Variants in TNRC6A observed in about 807,000 individuals in gnomAD.
TNRC6A encodes the protein trinucleotide repeat-containing gene 6A protein.
In TNRC6A, 44 loss-of-function variants were observed where a neutral mutation model predicts 221.2. The observed-to-expected ratio is 0.20, with a 90% CI of 0.16 to 0.26. The LOEUF (loss-of-function observed/expected upper bound fraction) is 0.26. TNRC6A is among the 10% of genes least tolerant of loss of function. The pLI is 1.00. For synonymous variants in TNRC6A, 847 were observed against 838.5 expected (o/e 1.01, Z -0.18); for missense variants, 2,199 against 2,404.4 (o/e 0.91, Z 1.79).
intron 1 of TNRC6A, among the ~76,000 whole-genome samples, chr16:24,630,509 A>G (rs1329425340): frequency 6.6e-6 from 1 of 152,166 alleles, no homozygotes; most frequent in Non-Finnish European, 1.5e-5. Flanking sequence ...ACAAAAACAA[A>G]CAACAACAAC....
At chr16:24,712,913 G>GTGTGTGTGTA (rs1253927631) in intron 2 of TNRC6A, among the ~76,000 whole-genome samples, 2,968 of 36,458 alleles carry the variant, frequency 0.081, 113 homozygotes, top group African/African-American at 0.12. Flanking sequence ...GCCACTGTGT[G>GTGTGTGTGTA]TGTGTGTGTG....
At chr16:24,804,552 CT>C (rs2058392172) in intron 12 of TNRC6A, 152 bp from the exon 13 acceptor site, 13 of 1,264,760 alleles carry the variant, frequency 1.0e-5, no homozygotes, top group Non-Finnish European at 1.4e-5. Flanking sequence ...TTTGTGTGCT[CT>C]AGAATTAACA....
In TNRC6A at chr16:24,823,521, C is replaced by T. The variant is rs2058811083; in HGVS notation, c.5603C>T (p.Pro1868Leu). The change falls in exon 25 of 25, where the codon CCT becomes CTT. Residue 1868 changes from proline (P) to leucine (L), a missense_variant. By Grantham distance (98) the Pro-to-Leu change is moderately conservative. Around this residue, in one of 8 missense-constraint regions of TNRC6A, gnomAD observed 20 missense variants for 25.6 expected, o/e 0.78. Coordinates refer to ENST00000395799, the MANE Select transcript of TNRC6A (RefSeq NM_014494.4). This position sits in a 1 kb window ranked among gnomAD's most constrained non-coding sequence, Gnocchi z 4.3. ...TTTGCACAAAGCCAGTCTCTGACCC[C>T]TTCTCCCGGCTGGCAGTCTCTCGGG... ...RFFAQSQSLT[P>L]SPGWQSLGSS... 4 of 1,614,218 alleles carry T rather than the reference C, an allele frequency of 2.5e-6. No individual in the cohort carries two copies. Among genetic ancestry groups the T allele is most frequent in the Non-Finnish European group, 3.4e-6 (4 of 1,180,044 alleles).
At chr16:24,794,492 G>A in intron 7 of TNRC6A, 52 bp from the exon 8 acceptor site, 1 of 1,562,928 alleles carries the variant, frequency 6.4e-7, no homozygotes, top group Non-Finnish European at 8.7e-7. Flanking sequence ...TTCTCCAGAA[G>A]GAATTCTTTT....
At position 24,794,535 on chromosome 16, in the gene TNRC6A, C is replaced by T; in HGVS notation, c.3353-9C>T. 1.2e-6 allele frequency: 2 copies of T among 1,600,916 alleles called. No individual in the cohort carries two copies. Among genetic ancestry groups the T allele is most frequent in the Non-Finnish European group, 1.7e-6 (2 of 1,175,072 alleles). ...TATGTTTCTCTTTATATCACAAATC[C>T]ACAATCAGGGCCAAAATCTATGCAA... On this transcript the variant is annotated splice_polypyrimidine_tract_variant and intron_variant, in intron 7 of 24. Coordinates refer to ENST00000395799, the MANE Select transcript of TNRC6A (RefSeq NM_014494.4).
At chr16:24,665,056 T>C (rs1177967893) in intron 2 of TNRC6A, 1 of 447,534 alleles carries the variant, frequency 2.2e-6, no homozygotes, top group African/African-American at 2.0e-5. Flanking sequence ...ACTAACTTAT[T>C]TATTTATTTG....
At chr16:24,669,937 G>T (rs2055255704) in intron 2 of TNRC6A, among the ~76,000 whole-genome samples, 2 of 45,950 alleles carry the variant, frequency 4.4e-5, no homozygotes, top group East Asian at 6.8e-4. Flanking sequence ...CTATGAGGCA[G>T]CTACTTTTTT....
chr16:24,818,512 T>G (rs911384228), intron 20 of TNRC6A, 81 bp from the exon 21 acceptor site: 1 of 1,089,012 alleles, frequency 9.2e-7, no homozygotes, highest in Non-Finnish European at 1.4e-6. Flanking sequence ...CTGTTAGCTT[T>G]GATTTCTCTG....
intron 1 of TNRC6A, among the ~76,000 whole-genome samples, chr16:24,631,910 G>A (rs545540938): frequency 6.6e-6 from 1 of 151,828 alleles, no homozygotes; most frequent in Admixed American, 6.6e-5. Flanking sequence ...CCAGGCTGTA[G>A]TGCAGTGACT....
chr16:24,703,808 G>C (rs2056036673), intron 2 of TNRC6A, among the ~76,000 whole-genome samples: 1 of 151,750 alleles, frequency 6.6e-6, no homozygotes, highest in Non-Finnish European at 1.5e-5. Flanking sequence ...TTTTGGCCGG[G>C]CGTGGTGGCT....
chr16:24,741,468 G>A lies in TNRC6A; in HGVS notation c.54-9258G>A, dbSNP rs143574446. ...CATGTTAAACCACCCTTGCATATCT[G>A]GGATAAATCCACTTTGTGTAGTCCT... On this transcript the variant is annotated intron_variant, in intron 2 of 24. Transcript: ENST00000395799. Among the ~76,000 whole-genome samples the A allele has an allele frequency of 2.0e-3, 312 of 152,234 alleles. 1 individual carries two copies. The highest frequency in any genetic ancestry group is 7.4e-3 in the African/African-American group (308 of 41,544).
intron 2 of TNRC6A, among the ~76,000 whole-genome samples, chr16:24,687,843 G>GAAGAA (rs1555489487): frequency 8.8e-5 from 9 of 101,850 alleles, no homozygotes; most frequent in East Asian, 2.8e-4. Context: ...AAGAGGAAGA[G>GAAGAA]GAAGAAGAAG....
At chr16:24,754,415 T>G (rs931248208) in intron 3 of TNRC6A, among the ~76,000 whole-genome samples, 1 of 152,224 alleles carries the variant, frequency 6.6e-6, no homozygotes, top group African/African-American at 2.4e-5. Flanking sequence ...CGATGACTTT[T>G]GTTCTTAAAA....
At chr16:24,755,452 CTA>C (rs1477706589) in intron 3 of TNRC6A, among the ~76,000 whole-genome samples, 9 of 152,218 alleles carry the variant, frequency 5.9e-5, no homozygotes, top group Admixed American at 5.9e-4. Context: ...TGAATGCTTT[CTA>C]TATGTCAGGC....
chr16:24,689,926 AT>A (rs113160851), intron 2 of TNRC6A, among the ~76,000 whole-genome samples: 2,287 of 146,748 alleles, frequency 0.016, 68 homozygotes, highest in African/African-American at 0.053. Flanking sequence ...ATTTTAAAAA[AT>A]TTTTGTAGAG....
At chr16:24,806,098 T>C in intron 15 of TNRC6A, 108 bp from the exon 16 acceptor site, 1 of 1,197,824 alleles carries the variant, frequency 8.3e-7, no homozygotes. Flanking sequence ...CATGTTGGCA[T>C]TGGCTAGATC....
At chr16:24,772,533 C>T (rs1178266035) in intron 4 of TNRC6A, among the ~76,000 whole-genome samples, 1 of 151,980 alleles carries the variant, frequency 6.6e-6, no homozygotes, top group Non-Finnish European at 1.5e-5. Flanking sequence ...GCAGTGGCTC[C>T]CAGCACTTTG....
chr16:24,792,554 A>T (rs1334621205), intron 6 of TNRC6A, among the ~76,000 whole-genome samples: 1 of 149,330 alleles, frequency 6.7e-6, no homozygotes, highest in Non-Finnish European at 1.5e-5. Flanking sequence ...TAAAAGGAAG[A>T]AGTATGTATC....
At position 24,806,227 on chromosome 16, in the gene TNRC6A, A is replaced by C. The variant is rs771451797; in HGVS notation, c.4273A>C (p.Arg1425=). The change falls in exon 16 of 25, where the codon AGG becomes CGG. Residue 1425 remains arginine, a synonymous_variant. Transcript: ENST00000395799. The part of the protein sequence containing the change: ...QLQRLLAQQQ[R]AQSQRSVPSG... Reference sequence around the variant, plus strand: ...CTAGCGATTGTTAGCGCAGCAGCAAAGGGCGCAGAGTCAGAGAAGCGTGCC... The same window carrying C: ...CTAGCGATTGTTAGCGCAGCAGCAACGGGCGCAGAGTCAGAGAAGCGTGCC... 6.2e-7 allele frequency: 1 copy of C among 1,614,162 alleles called. No homozygotes were observed. Among genetic ancestry groups the C allele is most frequent in the South Asian group, 1.1e-5 (1 of 91,080 alleles).
Sources: allele counts gnomAD v4.1 joint callset (sites outside exome capture counted in the v4.1 genomes callset), GRCh38; gene constraint gnomAD v4.1.1; regional missense constraint gnomAD v4.1.1; non-coding constraint Gnocchi (gnomAD v3.1); transcripts MANE v1.5; gene names NCBI Gene and HGNC (gene_info 2026-07-23, HGNC 2026-07-21).